The following RXFP1 variants were observed in gnomAD, a reference collection of about 807,000 sequenced individuals.
The protein encoded by RXFP1 is relaxin receptor 1.
Under a neutral mutation model 89.8 loss-of-function variants are expected in RXFP1, and 73 were observed. That is an observed-to-expected ratio of 0.81 (90% CI 0.67 to 0.99). The LOEUF (loss-of-function observed/expected upper bound fraction) is 0.99, where lower values mean the gene tolerates loss of function less well. RXFP1 is among the 50% of genes least tolerant of loss of function. The probability of loss-of-function intolerance (pLI) is 0.00; values close to 1 mark genes in which losing one functional copy is unlikely to be tolerated. For synonymous variants in RXFP1, 277 were observed against 305.5 expected, an observed-to-expected ratio of 0.91 and a Z score of 0.97; for missense variants, 793 against 895.5, an observed-to-expected ratio of 0.89 and a Z score of 1.46.
At chr4:158,598,547 A>G (rs1223733159) in intron 3 of RXFP1, among the ~76,000 whole-genome samples, 1 of 152,176 alleles carries the variant, frequency 6.6e-6, no homozygotes, top group Admixed American at 6.5e-5. Flanking sequence ...ATCCTAAATA[A>G]TAATCTCATT....
chr4:158,585,472 A>T (rs920932914), intron 2 of RXFP1, among the ~76,000 whole-genome samples: 11 of 152,152 alleles, frequency 7.2e-5, no homozygotes, highest in African/African-American at 2.4e-4. Context: ...ATCTAACAAC[A>T]TGGGGGGAGA....
Position 158,542,109 on chromosome 4 carries a change from A to ATATATATATATTTT in RXFP1, c.49+20085_49+20086insATATATATATTTTT. Among the ~76,000 whole-genome samples the ATATATATATATTTT allele has an allele frequency of 5.7e-3, 201 of 35,136 alleles. 8 individuals are homozygous for ATATATATATATTTT. The highest frequency in any genetic ancestry group is 0.016 in the East Asian group (13 of 804). 23.1% of individuals were successfully genotyped at this position (35,136 alleles called of 152,430 possible). A position where few individuals can be genotyped will look rare whatever the true frequency, so the allele number is the denominator to read the frequency against. ...TATATATATATATATATATATATATATTTTTTTTTTAGTAGAGACAGGGTT... is the reference window on the plus strand; with the variant it reads ...TATATATATATATATATATATATATATATATATATATTTTTTTTTTTTTTAGTAGAGACAGGGTT... On this transcript the variant is annotated intron_variant, in intron 1 of 17. Coordinates refer to ENST00000307765, the MANE Select transcript of RXFP1 (RefSeq NM_021634.4).
At chr4:158,632,616 C>A (rs1768284694) in intron 11 of RXFP1, among the ~76,000 whole-genome samples, 1 of 152,128 alleles carries the variant, frequency 6.6e-6, no homozygotes, top group Non-Finnish European at 1.5e-5. Flanking sequence ...CGAGGTCATA[C>A]CATGTTAAGC....
chr4:158,608,279 CTTTTT>C (rs756131500), intron 6 of RXFP1, among the ~76,000 whole-genome samples: 2 of 76,092 alleles, frequency 2.6e-5, no homozygotes, highest in African/African-American at 1.3e-4. Context: ...GTATTCCTTT[CTTTTT>C]TTTTTTTTTT....
chr4:158,628,766 T>A, intron 11 of RXFP1, 57 bp downstream of exon 11: 1 of 906,906 alleles, frequency 1.1e-6, no homozygotes, highest in Non-Finnish European at 1.7e-6. Context: ...TTTTTCACAC[T>A]TGTACTTACA....
intron 1 of RXFP1, among the ~76,000 whole-genome samples, chr4:158,530,842 C>T (rs922250844): frequency 1.2e-4 from 19 of 152,256 alleles, no homozygotes; most frequent in South Asian, 6.2e-4. Context: ...ACTGAGCATT[C>T]GTCTTCAGTG....
At position 158,585,867 on chromosome 4, in the gene RXFP1, T is replaced by A. The variant is rs559054082; in HGVS notation, c.188-7534T>A. 2.0e-5 allele frequency among the ~76,000 whole-genome samples: 3 copies of A among 152,344 alleles called. No homozygotes were observed. In the South Asian group the frequency reaches 6.2e-4, roughly 32 times the overall value. On this transcript the variant is annotated intron_variant, in intron 2 of 17. Coordinates refer to ENST00000307765, the MANE Select transcript of RXFP1 (RefSeq NM_021634.4). ...TCCTTAAGTTGGGGACCACCCACAT[T>A]AATCTTATTTGAGTGTCTTAAACTA... is the stretch of plus-strand genomic sequence containing the variant.
At chr4:158,602,130 T>G (rs1761798998) in intron 4 of RXFP1, among the ~76,000 whole-genome samples, 1 of 152,220 alleles carries the variant, frequency 6.6e-6, no homozygotes, top group African/African-American at 2.4e-5. Context: ...TATTTTGGGT[T>G]GTTCTATTCA....
chr4:158,547,531 A>T (rs866636505), intron 1 of RXFP1, among the ~76,000 whole-genome samples: 2 of 150,824 alleles, frequency 1.3e-5, no homozygotes, highest in African/African-American at 4.9e-5. Context: ...AGTTATTTTA[A>T]TTGTGACGTT....
chr4:158,636,160 G>C (rs1428412851), intron 12 of RXFP1, among the ~76,000 whole-genome samples: 1 of 152,112 alleles, frequency 6.6e-6, no homozygotes, highest in African/African-American at 2.4e-5. Flanking sequence ...AGAAGCTGGG[G>C]CAGGAGGATC....
At chr4:158,533,880 T>C (rs1744666017) in intron 1 of RXFP1, among the ~76,000 whole-genome samples, 1 of 152,226 alleles carries the variant, frequency 6.6e-6, no homozygotes, top group Non-Finnish European at 1.5e-5. Flanking sequence ...ATTGCTTTAA[T>C]CAACACTAAT....
intron 2 of RXFP1, among the ~76,000 whole-genome samples, chr4:158,574,276 G>T (rs548397971): frequency 6.6e-6 from 1 of 152,124 alleles, no homozygotes; most frequent in East Asian, 1.9e-4. Context: ...TGCTAATGAG[G>T]CCTTGCTGTG....
chr4:158,642,122 T>G (rs1770495160), intron 14 of RXFP1, among the ~76,000 whole-genome samples: 1 of 152,146 alleles, frequency 6.6e-6, no homozygotes, highest in Non-Finnish European at 1.5e-5. Context: ...ACTGTGGCAC[T>G]TCCACGTTTA....
rs1561205687 is a variant in RXFP1 at position 158,646,984 on chromosome 4, C to CA, written c.1540dup (p.Ile514AsnfsTer6). The CA allele has an allele frequency of 6.2e-7, 1 of 1,614,026 alleles. No homozygotes were observed. The highest frequency in any genetic ancestry group is 8.5e-7 in the Non-Finnish European group (1 of 1,179,906). ...TTCTGACATTGGAAAAATACATCTG[C>CA]ATTGTCTATCCTTTTAGATGTGTGA... On this transcript the variant is annotated frameshift_variant, in exon 16 of 18. Coordinates refer to ENST00000307765, the MANE Select transcript of RXFP1 (RefSeq NM_021634.4). LOFTEE classifies it high-confidence loss of function.
chr4:158,633,958 G>A (rs552623935), intron 12 of RXFP1, among the ~76,000 whole-genome samples: 1 of 152,144 alleles, frequency 6.6e-6, no homozygotes, highest in South Asian at 2.1e-4. Context: ...TCCATCTTTT[G>A]CCTATTGTGG....
rs1251677403 is a variant in RXFP1, at chr4:158,647,187, T to A, written c.1742T>A (p.Val581Glu). The A allele has an allele frequency of 6.4e-7, 1 of 1,563,610 alleles. No individual in the cohort carries two copies. The highest frequency in any genetic ancestry group is 8.6e-7 in the Non-Finnish European group (1 of 1,159,038). The change falls in exon 16 of 18, where the codon GTG becomes GAG. Residue 581 changes from valine to glutamate, a missense_variant. By Grantham distance (121) the Val-to-Glu change is moderately radical (BLOSUM62 -2). Coordinates refer to ENST00000307765, the MANE Select transcript of RXFP1 (RefSeq NM_021634.4). ...AGTATTGGAGCCCAGATTTATTCAG[T>A]GGCAATTTTTCTTGGTAAGAAACTA... ...TESIGAQIYS[V>E]AIFLGINLAA...
At chr4:158,572,500 A>G (rs1224131964) in intron 1 of RXFP1, among the ~76,000 whole-genome samples, 198 bp from the exon 2 acceptor site, 1 of 152,202 alleles carries the variant, frequency 6.6e-6, no homozygotes, top group Non-Finnish European at 1.5e-5. Context: ...GCAAAGAGGA[A>G]AATGTTGGCA....
intron 1 of RXFP1, among the ~76,000 whole-genome samples, chr4:158,546,628 G>A (rs555771423): frequency 1.0e-3 from 155 of 152,142 alleles, no homozygotes; most frequent in Middle Eastern, 3.4e-3. Flanking sequence ...ACATCCCATC[G>A]ATACCTAATT....
At chr4:158,622,395 G>A (rs1256419443) in intron 9 of RXFP1, among the ~76,000 whole-genome samples, 1 of 152,162 alleles carries the variant, frequency 6.6e-6, no homozygotes, top group Non-Finnish European at 1.5e-5. Context: ...AATTCCATTA[G>A]TATGTCAAAG....
Sources: allele counts gnomAD v4.1 joint callset (sites outside exome capture counted in the v4.1 genomes callset), GRCh38; gene constraint gnomAD v4.1.1; transcripts MANE v1.5; gene names NCBI Gene and HGNC (gene_info 2026-07-23, HGNC 2026-07-21).